COL28A1: variants seen among roughly 807,000 people sequenced by gnomAD.
COL28A1 encodes collagen type XXVIII alpha 1 chain.
A neutral mutation model predicts 150.2 loss-of-function variants in COL28A1; 161 were observed. That is an observed-to-expected ratio of 1.07 (90% CI 0.94 to 1.22). COL28A1 has a LOEUF of 1.22. Among genes scored for constraint, COL28A1 ranks in the 50% most tolerant of loss-of-function variants. The pLI is 0.00. For synonymous variants in COL28A1, 552 were observed against 469.7 expected (o/e 1.18, Z -2.26); for missense variants, 1,617 against 1,388.3 (o/e 1.16, Z -2.62).
intron 27 of COL28A1, among the ~76,000 whole-genome samples, chr7:7,414,017 G>A (rs1783931370): frequency 6.6e-6 from 1 of 152,162 alleles, no homozygotes; most frequent in Non-Finnish European, 1.5e-5. Flanking sequence ...TCAGGACACT[G>A]GAACGGACTT....
At chr7:7,494,709 G>A (rs1032432574) in intron 11 of COL28A1, among the ~76,000 whole-genome samples, 4 of 152,222 alleles carry the variant, frequency 2.6e-5, no homozygotes, top group African/African-American at 7.2e-5. Context: ...GCACTTTGCA[G>A]AAGCTTACAA....
At chr7:7,528,632 G>A (rs1782165384) in intron 3 of COL28A1, among the ~76,000 whole-genome samples, 1 of 152,152 alleles carries the variant, frequency 6.6e-6, no homozygotes. Context: ...GGTACAAGAA[G>A]CCTGACACAA....
chr7:7,431,212 T>C (rs1201090123), intron 25 of COL28A1: 2 of 157,404 alleles, frequency 1.3e-5, no homozygotes, highest in Non-Finnish European at 2.8e-5. Context: ...AAGGAAAAAT[T>C]CTCCCTTTAG....
Position 7,453,459 on chromosome 7 carries a change from T to C in COL28A1, c.1421A>G (p.Gln474Arg). ...AGTTACCTTGGAACCAGGTAAGCCC[T>C]GTCCTGCGGGCCCTTGTGGACCAGG... ...GPPGPQGPAG[Q>R]GLPGSKGEVG... The change falls in exon 17 of 35, where the codon CAG (glutamine) becomes CGG (arginine). Residue 474 changes from glutamine to arginine, a missense_variant. Physicochemically the swap from Gln to Arg is conservative, Grantham distance 43. Transcript: ENST00000399429. 1 of 1,287,116 alleles carries C rather than the reference T, an allele frequency of 7.8e-7. No individual in the cohort carries two copies. The highest frequency in any genetic ancestry group is 1.5e-5 in the African/African-American group (1 of 68,292). The allele number at this position is 1,287,116 out of a possible 1,614,324, so 79.7% of individuals were successfully genotyped here.
chr7:7,434,059 T>A (rs1785174753), intron 23 of COL28A1, among the ~76,000 whole-genome samples: 1 of 152,210 alleles, frequency 6.6e-6, no homozygotes, highest in Non-Finnish European at 1.5e-5. Context: ...AAATTTTTTA[T>A]ATACTCTTTA....
intron 4 of COL28A1, among the ~76,000 whole-genome samples, chr7:7,523,548 T>G (rs931889138): frequency 6.6e-6 from 1 of 152,148 alleles, no homozygotes; most frequent in African/African-American, 2.4e-5. Context: ...TAGGTTTGGT[T>G]GACTCCTATT....
At chr7:7,396,305 A>T (rs73047858) in intron 27 of COL28A1, among the ~76,000 whole-genome samples, 4,520 of 152,212 alleles carry the variant, frequency 0.03, 108 homozygotes, top group Non-Finnish European at 0.047. Context: ...TACTCATTTA[A>T]TTTTTGTGAT....
Position 7,474,659 on chromosome 7 carries a change from C to T in COL28A1, c.1244G>A (p.Gly415Asp). 1 of 1,382,484 alleles carries T rather than the reference C, an allele frequency of 7.2e-7. No individual in the cohort carries two copies. The highest frequency in any genetic ancestry group is 1.0e-6 in the Non-Finnish European group (1 of 968,564). The allele number at this position is 1,382,484 out of a possible 1,614,324, so 85.6% of individuals were successfully genotyped here. Residue 415 changes from glycine (G) to aspartate (D), a missense_variant, in exon 15 of 35, where the codon GGT becomes GAT. Coordinates refer to ENST00000399429, the MANE Select transcript of COL28A1 (RefSeq NM_001037763.3). ...CTGTGGGCCAGTTGGTCCTTCAGAA[C>T]CTTTTTCACCCTGAAAGTACAAGGG... ...EGFPGPKGEK[G>D]SEGPTGPQGL...
In COL28A1 at chr7:7,459,311, T is replaced by C. The variant is rs547974719; in HGVS notation, c.1303-3199A>G. ...TTTTTGGAGTATTTTGGAGTTGCTG[T>C]ACAGCCAGAGCTAAGAGATTGAACA... On this transcript the variant is annotated intron_variant, in intron 15 of 34. Coordinates refer to ENST00000399429, the MANE Select transcript of COL28A1 (RefSeq NM_001037763.3). Among the ~76,000 whole-genome samples, 5 of 152,362 alleles carry C rather than the reference T, an allele frequency of 3.3e-5. No homozygotes were observed. The South Asian group carries it at 1.0e-3, about 32-fold the overall frequency.
chr7:7,520,876 C>G (rs1781686436), intron 5 of COL28A1, among the ~76,000 whole-genome samples: 1 of 152,188 alleles, frequency 6.6e-6, no homozygotes, highest in South Asian at 2.1e-4. Context: ...GAAGGGATGG[C>G]TAAACCTTTG....
At chr7:7,522,252 A>G (rs1480243702) in intron 4 of COL28A1, among the ~76,000 whole-genome samples, 1 of 152,188 alleles carries the variant, frequency 6.6e-6, no homozygotes, top group East Asian at 1.9e-4. Context: ...AAGACATCCC[A>G]TCAAAAATAC....
intron 8 of COL28A1, chr7:7,511,961 T>C (rs1373997190): frequency 3.1e-6 from 1 of 321,394 alleles, no homozygotes; most frequent in African/African-American, 2.2e-5. Flanking sequence ...TCCAATTTTA[T>C]AGATTAAAAT....
intron 33 of COL28A1, among the ~76,000 whole-genome samples, chr7:7,366,441 A>G (rs1009867215): frequency 1.3e-5 from 2 of 152,292 alleles, no homozygotes; most frequent in African/African-American, 4.8e-5. Context: ...TTTCTTCTAG[A>G]TCAGTTAGGA....
At chr7:7,540,167 T>C (rs1203302102), upstream of COL28A1, among the ~76,000 whole-genome samples, 3 of 152,236 alleles carry the variant, frequency 2.0e-5, no homozygotes, top group Admixed American at 6.5e-5. Flanking sequence ...GAATGTTCAA[T>C]ATTTTTCTTT....
chr7:7,542,834 G>C, the COL28A1 span, among the ~76,000 whole-genome samples: 1 of 152,096 alleles, frequency 6.6e-6, no homozygotes, highest in African/African-American at 2.4e-5. Flanking sequence ...TGAGAGATAA[G>C]GCTCTCAAGT....
chr7:7,532,051 C>T, intron 2 of COL28A1, 147 bp from the exon 3 acceptor site: 1 of 526,326 alleles, frequency 1.9e-6, no homozygotes, highest in Non-Finnish European at 3.4e-6. Context: ...GGACAGAAGG[C>T]TTCAATTGTA....
the COL28A1 span, among the ~76,000 whole-genome samples, chr7:7,348,603 ATATC>A: frequency 1.6e-4 from 25 of 151,830 alleles, no homozygotes; most frequent in Non-Finnish European, 2.8e-4. Flanking sequence ...TGACATGTAT[ATATC>A]TATTTATTTT....
intron 18 of COL28A1, among the ~76,000 whole-genome samples, chr7:7,449,366 A>G (rs972307102): frequency 1.3e-4 from 20 of 151,860 alleles, no homozygotes; most frequent in African/African-American, 4.8e-4. Context: ...TATATTTAAT[A>G]AGTAACTTTT....
intron 5 of COL28A1, 41 bp from the exon 6 acceptor site, chr7:7,520,156 C>T (rs1181884712): frequency 4.6e-6 from 4 of 876,326 alleles, no homozygotes; most frequent in Non-Finnish European, 7.7e-6. Context: ...AGTAGGAATT[C>T]TATTGTTTTC....
Sources: allele counts gnomAD v4.1 joint callset (sites outside exome capture counted in the v4.1 genomes callset), GRCh38; gene constraint gnomAD v4.1.1; transcripts MANE v1.5; gene names NCBI Gene and HGNC (gene_info 2026-07-23, HGNC 2026-07-21).